The following DYNC2I1 variants were observed in gnomAD, a reference collection of about 807,000 sequenced individuals.
DYNC2I1 encodes the protein dynein 2 intermediate chain 1.
DYNC2I1 carries 89 observed loss-of-function variants against 133.4 expected under a neutral mutation model. The ratio of observed to expected loss-of-function variants is 0.67; its 90% CI spans 0.56 to 0.80. DYNC2I1 has a LOEUF of 0.80. Ranked by LOEUF, DYNC2I1 falls within the 30% of genes least tolerant of loss-of-function variation. DYNC2I1 has a pLI of 0.00. For synonymous variants in DYNC2I1, 504 were observed against 484.3 expected (o/e 1.04, Z -0.54); for missense variants, 1,291 against 1,314.5 (o/e 0.98, Z 0.28).
At chr7:158,866,438 CCT>C (rs1842413557) in intron 1 of DYNC2I1, among the ~76,000 whole-genome samples, 1 of 151,182 alleles carries the variant, frequency 6.6e-6, no homozygotes, top group African/African-American at 2.4e-5. Context: ...CTGGGCGTCC[CCT>C]CTCTGTGGTA....
chr7:158,870,145 C>T, intron 2 of DYNC2I1, among the ~76,000 whole-genome samples: 1 of 152,148 alleles, frequency 6.6e-6, no homozygotes, highest in East Asian at 1.9e-4. Flanking sequence ...CTCCGCACTG[C>T]TTTAGGGCAG....
chr7:158,868,730 C>T (rs1312827960), intron 1 of DYNC2I1, among the ~76,000 whole-genome samples: 3 of 152,224 alleles, frequency 2.0e-5, no homozygotes, highest in Non-Finnish European at 4.4e-5. Flanking sequence ...TCTGCCGATC[C>T]TTGAGCATTC....
At chr7:158,902,882 C>T (rs1846383170) in intron 10 of DYNC2I1, 2 of 368,652 alleles carry the variant, frequency 5.4e-6, no homozygotes, top group Non-Finnish European at 9.8e-6. Flanking sequence ...TCAGTGAGCA[C>T]TGATGCTCCT....
At chr7:158,891,145 G>A in intron 7 of DYNC2I1, 120 bp from the exon 8 acceptor site, 2 of 1,051,162 alleles carry the variant, frequency 1.9e-6, no homozygotes, top group African/African-American at 1.6e-5. Flanking sequence ...TTCGTAGTCT[G>A]TGCACCTGTT....
intron 1 of DYNC2I1, among the ~76,000 whole-genome samples, chr7:158,857,003 G>A (rs1340369985): frequency 3.3e-5 from 5 of 152,060 alleles, no homozygotes; most frequent in Admixed American, 3.3e-4. Context: ...CAGGCCTGGG[G>A]TCGCCGCCGC....
At chr7:158,894,282 C>G in intron 8 of DYNC2I1, among the ~76,000 whole-genome samples, 1 of 152,132 alleles carries the variant, frequency 6.6e-6, no homozygotes. Flanking sequence ...TACCACATGT[C>G]CTACTGCATA....
In DYNC2I1 at chr7:158,927,427, C is replaced by G. The variant is rs560824039; in HGVS notation, c.2485+384C>G. Among the ~76,000 whole-genome samples the G allele has an allele frequency of 1.4e-3, 204 of 150,462 alleles. 1 individual carries two copies. The highest frequency in any genetic ancestry group is 2.2e-3 in the Non-Finnish European group (151 of 67,642). ...CTCTGTTAAAAAAAAAAAAAAGATA[C>G]CAATAACTGCTTTGAAAAATATAAA... On this transcript the variant is annotated intron_variant, in intron 20 of 24. Transcript: ENST00000407559.
chr7:158,905,310 T>G, intron 10 of DYNC2I1: 1 of 309,438 alleles, frequency 3.2e-6, no homozygotes, highest in South Asian at 2.7e-5. Context: ...CTGTCTAATT[T>G]TTGTATTTTT....
chr7:158,947,464 C>T (rs1851923574), downstream of DYNC2I1, among the ~76,000 whole-genome samples: 1 of 152,224 alleles, frequency 6.6e-6, no homozygotes, highest in Non-Finnish European at 1.5e-5. Flanking sequence ...TCTGCGAATT[C>T]TCAGCTATCA....
intron 11 of DYNC2I1, among the ~76,000 whole-genome samples, chr7:158,907,653 A>G (rs1007491627): frequency 6.6e-6 from 1 of 151,750 alleles, no homozygotes; most frequent in Non-Finnish European, 1.5e-5. Context: ...TCTGGCACCC[A>G]GGCTGGAATG....
chr7:158,878,223 G>T (rs1843565619), intron 4 of DYNC2I1, among the ~76,000 whole-genome samples: 2 of 147,050 alleles, frequency 1.4e-5, no homozygotes, highest in African/African-American at 5.1e-5. Flanking sequence ...GTGCTGTGTG[G>T]GGAGGCCAGG....
chr7:158,922,642 G>A (rs1333957794), intron 16 of DYNC2I1, 93 bp downstream of exon 16: 4 of 1,291,558 alleles, frequency 3.1e-6, no homozygotes, highest in East Asian at 5.0e-5. Context: ...GGAGAGAGGT[G>A]CAGGGACAGG....
rs745544932 is a variant in DYNC2I1, at chr7:158,914,220, CTG to C, written c.1703-11_1703-10del. 2.2e-5 allele frequency: 35 copies of C among 1,600,440 alleles called. 1 individual carries two copies. In the South Asian group the frequency reaches 3.7e-4, roughly 17 times the overall value. ...GTCGACTTCGTTGATTTTATATAAA[CTG>C]TTTTTTTTAGGCAGTGAACAAAGAG... On this transcript the variant is annotated splice_polypyrimidine_tract_variant and intron_variant, in intron 13 of 24. Coordinates refer to ENST00000407559, the MANE Select transcript of DYNC2I1 (RefSeq NM_018051.5).
At chr7:158,872,734 T>C (rs551923676) in intron 3 of DYNC2I1, among the ~76,000 whole-genome samples, 9 of 150,586 alleles carry the variant, frequency 6.0e-5, no homozygotes, top group Non-Finnish European at 1.0e-4. Flanking sequence ...CAGTGCCTCA[T>C]GCCTGTAATC....
chr7:158,840,399 T>G, the DYNC2I1 span, among the ~76,000 whole-genome samples: 1 of 152,136 alleles, frequency 6.6e-6, no homozygotes, highest in African/African-American at 2.4e-5. Context: ...AAACCCTGTC[T>G]CTAGGAAAAA....
At chr7:158,934,663 C>T (rs187942493) in intron 23 of DYNC2I1, 114 bp downstream of exon 23, 3 of 1,138,638 alleles carry the variant, frequency 2.6e-6, no homozygotes, top group East Asian at 2.7e-5. Flanking sequence ...TCACTGCAGC[C>T]TTGAACTCCT....
intron 4 of DYNC2I1, among the ~76,000 whole-genome samples, chr7:158,952,139 C>T (rs1852072793): frequency 6.6e-6 from 1 of 152,154 alleles, no homozygotes; most frequent in Non-Finnish European, 1.5e-5. Context: ...AAGAAGAGCC[C>T]AGAGGGGCTT....
At chr7:158,949,191 G>A (rs187913963), downstream of DYNC2I1, among the ~76,000 whole-genome samples, 1 of 152,370 alleles carries the variant, frequency 6.6e-6, no homozygotes. Flanking sequence ...CCCGCAGGTG[G>A]TGAAATGCCA....
intron 11 of DYNC2I1, among the ~76,000 whole-genome samples, chr7:158,908,541 T>C (rs1430731948): frequency 6.6e-6 from 1 of 152,224 alleles, no homozygotes; most frequent in Non-Finnish European, 1.5e-5. Context: ...TAAGCAAAGT[T>C]AAATAACCCT....
Sources: allele counts gnomAD v4.1 joint callset (sites outside exome capture counted in the v4.1 genomes callset), GRCh38; gene constraint gnomAD v4.1.1; transcripts MANE v1.5; gene names NCBI Gene and HGNC (gene_info 2026-07-23, HGNC 2026-07-21).